The following EVI5 variants were observed in gnomAD, a reference collection of about 807,000 sequenced individuals.
The protein encoded by EVI5 is ecotropic viral integration site 5 protein homolog.
In EVI5, 73 loss-of-function variants were observed where a neutral mutation model predicts 112.0. The observed-to-expected ratio is 0.65, with a 90% CI of 0.54 to 0.79. The LOEUF (loss-of-function observed/expected upper bound fraction) is 0.79, where lower values mean the gene tolerates loss of function less well. EVI5 is among the 30% of genes least tolerant of loss of function. The pLI, the probability that EVI5 is intolerant of heterozygous loss-of-function variation, is 0.00. For synonymous variants in EVI5, 305 were observed against 319.9 expected, an observed-to-expected ratio of 0.95 and a Z score of 0.50; for missense variants, 900 against 968.8, an observed-to-expected ratio of 0.93 and a Z score of 0.94.
chr1:92,768,092 A>AAG (rs34660857), intron 1 of EVI5, among the ~76,000 whole-genome samples: 36 of 151,358 alleles, frequency 2.4e-4, no homozygotes, highest in East Asian at 7.8e-4. Flanking sequence ...AAAAAAAAAA[A>AAG]AGAGAACTCA....
Position 92,702,441 on chromosome 1 carries a change from CATAAAATAAA to C in EVI5, c.565-236_565-227del, listed in dbSNP as rs57227203. Among the ~76,000 whole-genome samples the C allele has an allele frequency of 3.8e-3, 537 of 140,210 alleles. 3 individuals are homozygous for C. Among genetic ancestry groups the C allele is most frequent in the African/African-American group, 0.011 (429 of 37,838 alleles). The allele number at this position is 140,210 out of a possible 152,430, so 92.0% of individuals were successfully genotyped here. ...AATCCAAACTTGCTAGCTCTAAAGA[CATAAAATAAA>C]ATAAAATAAAATAAAATAAAATAAA... On this transcript the variant is annotated intron_variant, in intron 4 of 19. Transcript: ENST00000684568.
At chr1:92,586,158 T>C (rs565441290) in intron 18 of EVI5, among the ~76,000 whole-genome samples, 3 of 152,322 alleles carry the variant, frequency 2.0e-5, no homozygotes, top group Non-Finnish European at 4.4e-5. Context: ...TTTATGACTG[T>C]TGATGGTAAT....
chr1:92,766,118 A>C (rs1056018581), intron 1 of EVI5, among the ~76,000 whole-genome samples: 1 of 147,286 alleles, frequency 6.8e-6, no homozygotes, highest in African/African-American at 2.5e-5. Context: ...TAATAATAAT[A>C]ATAATAATAA....
intron 2 of EVI5, among the ~76,000 whole-genome samples, chr1:92,720,353 G>A (rs564848594): frequency 6.6e-6 from 1 of 151,948 alleles, no homozygotes; most frequent in South Asian, 2.1e-4. Context: ...ACAGAACAGA[G>A]GCCTCAGAAA....
chr1:92,686,797 A>G (rs1374569885), intron 9 of EVI5, among the ~76,000 whole-genome samples: 2 of 152,164 alleles, frequency 1.3e-5, no homozygotes, highest in African/African-American at 4.8e-5. Context: ...CACAATTACT[A>G]CAAAGAGAAT....
At chr1:92,529,038 C>T (rs944244937) in intron 19 of EVI5, among the ~76,000 whole-genome samples, 1 of 152,122 alleles carries the variant, frequency 6.6e-6, no homozygotes, top group Non-Finnish European at 1.5e-5. Context: ...ACTAGCATAC[C>T]TCTTGATCTA....
chr1:92,532,999 C>CT (rs151026642), intron 19 of EVI5, among the ~76,000 whole-genome samples: 20,049 of 140,286 alleles, frequency 0.14, 4,169 homozygotes, highest in African/African-American at 0.46. Flanking sequence ...AATCTAGGAA[C>CT]TTTTTTTTTT....
chr1:92,693,625 A>G (rs1350415706), intron 9 of EVI5, among the ~76,000 whole-genome samples, 177 bp downstream of exon 9: 2 of 152,188 alleles, frequency 1.3e-5, no homozygotes, highest in African/African-American at 2.4e-5. Context: ...AAGGTAGTAC[A>G]TGCTAGTCCC....
chr1:92,699,069 A>G (rs1418342510), intron 5 of EVI5, among the ~76,000 whole-genome samples: 1 of 152,204 alleles, frequency 6.6e-6, no homozygotes, highest in Admixed American at 6.5e-5. Flanking sequence ...CTTCTTACTG[A>G]AGACTGCTGC....
chr1:92,695,546 G>T, intron 6 of EVI5, 93 bp from the exon 7 acceptor site: 1 of 724,856 alleles, frequency 1.4e-6, no homozygotes, highest in Non-Finnish European at 2.1e-6. Flanking sequence ...ACCAAACACA[G>T]ATTAGATCAA....
chr1:92,522,495 G>A (rs1661103715), intron 19 of EVI5, among the ~76,000 whole-genome samples: 1 of 151,890 alleles, frequency 6.6e-6, no homozygotes, highest in Admixed American at 6.6e-5. Flanking sequence ...AATCAGCCGG[G>A]TGTGGTGGCA....
intron 17 of EVI5, among the ~76,000 whole-genome samples, chr1:92,606,019 G>A (rs899424019): frequency 6.6e-6 from 1 of 152,064 alleles, no homozygotes; most frequent in African/African-American, 2.4e-5. Context: ...ACAATACATT[G>A]GTCATTCTCA....
chr1:92,601,950 T>C (rs1183401035), intron 18 of EVI5, among the ~76,000 whole-genome samples: 1 of 152,206 alleles, frequency 6.6e-6, no homozygotes, highest in Non-Finnish European at 1.5e-5. Context: ...AGACTAATGC[T>C]AAAATCACAT....
At chr1:92,702,250 GT>G in intron 4 of EVI5, 35 bp from the exon 5 acceptor site, 1 of 1,125,932 alleles carries the variant, frequency 8.9e-7, no homozygotes, top group Non-Finnish European at 1.3e-6. Context: ...AAAATACATG[GT>G]AAGTTATACC....
At chr1:92,553,511 C>T (rs183609789) in intron 19 of EVI5, among the ~76,000 whole-genome samples, 7 of 151,950 alleles carry the variant, frequency 4.6e-5, no homozygotes, top group African/African-American at 1.7e-4. Context: ...CCATGTTGGT[C>T]AGGCTGTTCT....
chr1:92,751,932 C>T (rs1224122586), intron 1 of EVI5, among the ~76,000 whole-genome samples: 3 of 151,826 alleles, frequency 2.0e-5, no homozygotes, highest in Non-Finnish European at 4.4e-5. Context: ...AGGAGAGTTG[C>T]TTGAACCCAG....
intron 13 of EVI5, among the ~76,000 whole-genome samples, chr1:92,660,358 T>C (rs1250335493): frequency 3.9e-5 from 6 of 151,956 alleles, no homozygotes; most frequent in Non-Finnish European, 8.8e-5. Context: ...CACTCATATG[T>C]GGAATCTAAA....
chr1:92,702,713 G>T (rs1201351229), intron 4 of EVI5, among the ~76,000 whole-genome samples: 1 of 151,678 alleles, frequency 6.6e-6, no homozygotes, highest in South Asian at 2.1e-4. Flanking sequence ...GGCTGAGGCA[G>T]GAGAATTGCT....
chr1:92,569,405 A>G (rs1007494621), intron 18 of EVI5, among the ~76,000 whole-genome samples: 1 of 152,170 alleles, frequency 6.6e-6, no homozygotes, highest in Non-Finnish European at 1.5e-5. Context: ...TGATAATTTA[A>G]ATGGGAACTA....
Sources: gnomAD v4.1 joint callset for allele counts (sites outside exome capture counted in the v4.1 genomes callset) on GRCh38, gnomAD v4.1.1 for gene constraint, MANE v1.5 for transcripts, NCBI Gene and HGNC (gene_info 2026-07-23, HGNC 2026-07-21) for gene names.